Variants in XRCC4 observed in about 807,000 individuals in gnomAD.
XRCC4 encodes X-ray repair cross complementing 4, also known as DNA repair protein XRCC4.
In XRCC4, 28 loss-of-function variants were observed where a neutral mutation model predicts 39.1. The ratio of observed to expected loss-of-function variants is 0.72; its 90% CI spans 0.53 to 0.98. The LOEUF is 0.98. XRCC4 is among the 50% of genes least tolerant of loss of function. The probability of loss-of-function intolerance (pLI) is 0.00; values close to 1 mark genes in which losing one functional copy is unlikely to be tolerated. For synonymous variants in XRCC4, 123 were observed against 126.4 expected, an observed-to-expected ratio of 0.97 and a Z score of 0.18; for missense variants, 350 against 376.4, an observed-to-expected ratio of 0.93 and a Z score of 0.58.
At chr5:83,178,238 G>A (rs1474983109) in intron 3 of XRCC4, among the ~76,000 whole-genome samples, 1 of 152,080 alleles carries the variant, frequency 6.6e-6, no homozygotes, top group African/African-American at 2.4e-5. Flanking sequence ...GACCTTTTGC[G>A]ACATTCAATT....
chr5:83,334,043 C>T (rs937910716), intron 7 of XRCC4, among the ~76,000 whole-genome samples: 1 of 152,156 alleles, frequency 6.6e-6, no homozygotes, highest in African/African-American at 2.4e-5. Flanking sequence ...GCTGGGATTA[C>T]AGGCATGAGC....
intron 1 of XRCC4, among the ~76,000 whole-genome samples, chr5:83,084,179 A>G (rs1298081623): frequency 1.3e-5 from 2 of 152,192 alleles, no homozygotes; most frequent in Non-Finnish European, 2.9e-5. Flanking sequence ...GTGTAAAATC[A>G]ATGGCTTATT....
intron 6 of XRCC4, among the ~76,000 whole-genome samples, chr5:83,215,891 T>A (rs1751840548): frequency 6.6e-6 from 1 of 152,126 alleles, no homozygotes; most frequent in Non-Finnish European, 1.5e-5. Flanking sequence ...CTCTGTGAAC[T>A]TAGTTTTAGG....
chr5:83,138,081 G>A (rs545356603), intron 3 of XRCC4, among the ~76,000 whole-genome samples: 2 of 152,134 alleles, frequency 1.3e-5, no homozygotes, highest in Non-Finnish European at 2.9e-5. Flanking sequence ...AACTCACAGG[G>A]TTTTATGCTT....
At position 83,246,048 on chromosome 5, in the gene XRCC4, T is replaced by C. The variant is rs74395325; in HGVS notation, c.746-12482T>C. Among the ~76,000 whole-genome samples, 127 of 152,186 alleles carry C rather than the reference T, an allele frequency of 8.3e-4. 1 individual carries two copies. The East Asian group carries it at 0.022, about 26-fold the overall frequency. ...TTAATTTTTTTCTATCATTGTCCTT[T>C]TTCCTATTAAGTTTGGCATAATATT... On this transcript the variant is annotated intron_variant, in intron 6 of 7. Transcript: ENST00000396027.
chr5:83,311,890 A>G (rs561862044), intron 7 of XRCC4, among the ~76,000 whole-genome samples: 1 of 152,112 alleles, frequency 6.6e-6, no homozygotes, highest in Non-Finnish European at 1.5e-5. Flanking sequence ...CTTTTAATAT[A>G]TTTTATAAAA....
At chr5:83,097,965 T>C (rs979924459) in intron 1 of XRCC4, among the ~76,000 whole-genome samples, 2 of 151,980 alleles carry the variant, frequency 1.3e-5, no homozygotes, top group Non-Finnish European at 2.9e-5. Context: ...TTAAATAGTA[T>C]GTGGGAAATT....
chr5:83,312,109 C>G (rs1445071223), intron 7 of XRCC4, among the ~76,000 whole-genome samples: 2 of 152,230 alleles, frequency 1.3e-5, no homozygotes, highest in East Asian at 3.9e-4. Context: ...CAGAAATCTG[C>G]TACAGAAAAC....
At chr5:83,325,913 A>G (rs573486307) in intron 7 of XRCC4, among the ~76,000 whole-genome samples, 1 of 152,278 alleles carries the variant, frequency 6.6e-6, no homozygotes. Flanking sequence ...GAGCGAATTT[A>G]CACTCCCACT....
intron 6 of XRCC4, among the ~76,000 whole-genome samples, chr5:83,241,170 G>T (rs1223624396): frequency 6.6e-6 from 1 of 151,474 alleles, no homozygotes; most frequent in Non-Finnish European, 1.5e-5. Context: ...GAACCTCCAG[G>T]TGGTGGAGGT....
At chr5:83,258,448 T>C (rs1240325002) in intron 6 of XRCC4, 82 bp from the exon 7 acceptor site, 9 of 1,488,740 alleles carry the variant, frequency 6.0e-6, no homozygotes, top group Non-Finnish European at 8.2e-6. Flanking sequence ...TCACCTTATG[T>C]CAATGCTAAA....
chr5:83,299,172 A>G (rs567210921), intron 7 of XRCC4, among the ~76,000 whole-genome samples: 1 of 152,090 alleles, frequency 6.6e-6, no homozygotes, highest in African/African-American at 2.4e-5. Context: ...TTTACTTTTG[A>G]TTTTTGGAAA....
At chr5:83,309,151 T>C (rs1755593675) in intron 7 of XRCC4, among the ~76,000 whole-genome samples, 1 of 148,612 alleles carries the variant, frequency 6.7e-6, no homozygotes, top group South Asian at 2.1e-4. Flanking sequence ...CGGTGGTGGG[T>C]GCCTCTAGCC....
rs978959112 is a variant in XRCC4 at position 83,353,410 on chromosome 5, A to T, written c.*168A>T. 2.0e-6 allele frequency: 1 copy of T among 512,014 alleles called. No homozygotes were observed. Among genetic ancestry groups the T allele is most frequent in the Non-Finnish European group, 3.5e-6 (1 of 288,528 alleles). The allele number at this position is 512,014 out of a possible 1,614,324, so 31.7% of individuals were successfully genotyped here. A position where few individuals can be genotyped will look rare whatever the true frequency, so the allele number is the denominator to read the frequency against. On this transcript the variant is annotated 3_prime_UTR_variant, in exon 8 of 8. Transcript: ENST00000396027. ...GCAAAATGGATTACACATGTATACA[A>T]AGATACGATTTGATGATGACACTGG...
chr5:83,193,674 GGGAT>G (rs1391491377), intron 3 of XRCC4, among the ~76,000 whole-genome samples: 6 of 152,110 alleles, frequency 3.9e-5, no homozygotes, highest in African/African-American at 1.4e-4. Context: ...ATCAAAGTGT[GGGAT>G]GAATTCTTTA....
At chr5:83,249,427 G>A (rs1055782332) in intron 6 of XRCC4, among the ~76,000 whole-genome samples, 3 of 152,066 alleles carry the variant, frequency 2.0e-5, no homozygotes, top group Non-Finnish European at 4.4e-5. Flanking sequence ...GAATGCCTCC[G>A]AAATTTAGCC....
At chr5:83,293,346 A>T (rs575777892) in intron 7 of XRCC4, among the ~76,000 whole-genome samples, 1 of 152,142 alleles carries the variant, frequency 6.6e-6, no homozygotes, top group East Asian at 1.9e-4. Context: ...GCTTTTCTCA[A>T]GTTGGACGTA....
At chr5:83,176,078 CATTA>C (rs1226587051) in intron 3 of XRCC4, among the ~76,000 whole-genome samples, 6 of 152,034 alleles carry the variant, frequency 3.9e-5, no homozygotes, top group African/African-American at 1.2e-4. Flanking sequence ...GATAAAATCA[CATTA>C]ATTATGTCAG....
At chr5:83,337,904 CCTT>C (rs918446990) in intron 7 of XRCC4, among the ~76,000 whole-genome samples, 1 of 152,118 alleles carries the variant, frequency 6.6e-6, no homozygotes, top group Non-Finnish European at 1.5e-5. Flanking sequence ...AAGATGATGA[CCTT>C]CTCTCCCGGA....
Sources: gnomAD v4.1 joint callset for allele counts (sites outside exome capture counted in the v4.1 genomes callset) on GRCh38, gnomAD v4.1.1 for gene constraint, MANE v1.5 for transcripts, NCBI Gene and HGNC (gene_info 2026-07-23, HGNC 2026-07-21) for gene names.